The following ARHGAP35 variants were observed in gnomAD, a reference collection of about 807,000 sequenced individuals.
ARHGAP35 encodes rho GTPase-activating protein 35.
Under a neutral mutation model 111.1 loss-of-function variants are expected in ARHGAP35, and 15 were observed. The ratio of observed to expected loss-of-function variants is 0.13; its 90% CI spans 0.09 to 0.21. The LOEUF (loss-of-function observed/expected upper bound fraction) is 0.21, where lower values mean the gene tolerates loss of function less well. Ranked by LOEUF, ARHGAP35 falls within the 10% of genes least tolerant of loss-of-function variation. ARHGAP35 has a pLI of 1.00. For missense variants in ARHGAP35, 1,262 were observed against 1,873.0 expected, an observed-to-expected ratio of 0.67 and a Z score of 6.02; for synonymous variants, 643 against 710.3, an observed-to-expected ratio of 0.91 and a Z score of 1.51.
intron 3 of ARHGAP35, among the ~76,000 whole-genome samples, chr19:46,984,036 T>G (rs2056635970): frequency 6.6e-6 from 1 of 152,216 alleles, no homozygotes. Context: ...TTTTTCTTGT[T>G]CTATTTCCAA....
rs1166420401 is a variant in ARHGAP35, at chr19:46,918,262, C to T, written c.-188-226C>T. On this transcript the variant is annotated intron_variant, in intron 1 of 6. Transcript: ENST00000672722. This position sits in a 1 kb window ranked among gnomAD's most constrained non-coding sequence, Gnocchi z 5.4. ...CACCCTTGTTTTAGCACTTAGCACA[C>T]TGTTTACTTATGTTTTCCTCCACTG... is the stretch of plus-strand genomic sequence containing the variant. Among the ~76,000 whole-genome samples the T allele has an allele frequency of 6.6e-6, 1 of 152,152 alleles. No individual in the cohort carries two copies. Among genetic ancestry groups the T allele is most frequent in the Non-Finnish European group, 1.5e-5 (1 of 68,028 alleles).
chr19:46,954,275 A>G (rs1013851802), intron 3 of ARHGAP35, among the ~76,000 whole-genome samples: 5 of 152,130 alleles, frequency 3.3e-5, no homozygotes, highest in African/African-American at 1.2e-4. Context: ...AAGGTGACCA[A>G]CTCAGGCATC....
intron 1 of ARHGAP35, among the ~76,000 whole-genome samples, chr19:46,883,177 C>T (rs1000208054): frequency 6.6e-6 from 1 of 151,976 alleles, no homozygotes; most frequent in African/African-American, 2.4e-5. Flanking sequence ...TCACTGCAAC[C>T]TCCGCCTCCG....
chr19:46,886,623 A>C (rs570547684), intron 1 of ARHGAP35, among the ~76,000 whole-genome samples: 38 of 152,150 alleles, frequency 2.5e-4, no homozygotes, highest in Non-Finnish European at 5.0e-4. Context: ...ATCGGGCGTT[A>C]CTCAAGGTTG....
intron 3 of ARHGAP35, among the ~76,000 whole-genome samples, chr19:46,957,956 T>C: frequency 6.6e-6 from 1 of 152,100 alleles, no homozygotes; most frequent in Admixed American, 6.5e-5. Context: ...GGAGCTGGAG[T>C]GCAGTGGTGC....
At chr19:46,928,278 G>A (rs943556976) in intron 2 of ARHGAP35, among the ~76,000 whole-genome samples, 2 of 152,138 alleles carry the variant, frequency 1.3e-5, no homozygotes, top group African/African-American at 4.8e-5. Flanking sequence ...AAAGAACTGG[G>A]AATTGTGCTG....
At chr19:46,881,421 G>A (rs1599796922) in intron 1 of ARHGAP35, among the ~76,000 whole-genome samples, 3 of 152,346 alleles carry the variant, frequency 2.0e-5, no homozygotes, top group South Asian at 4.1e-4. Context: ...CTGCAGAATG[G>A]ATGTTGTGTT....
chr19:46,924,393 C>CTT, intron 2 of ARHGAP35, among the ~76,000 whole-genome samples: 1 of 152,182 alleles, frequency 6.6e-6, no homozygotes, highest in Non-Finnish European at 1.5e-5. Context: ...CCTGCATTAC[C>CTT]GCTGACCAGG....
At chr19:46,964,716 G>A (rs1423302785) in intron 3 of ARHGAP35, among the ~76,000 whole-genome samples, 2 of 152,220 alleles carry the variant, frequency 1.3e-5, no homozygotes, top group African/African-American at 4.8e-5. Flanking sequence ...AGAAGGGCTG[G>A]TGTGGCTCAT....
At chr19:46,985,630 A>C (rs2056644809) in intron 3 of ARHGAP35, among the ~76,000 whole-genome samples, 1 of 152,238 alleles carries the variant, frequency 6.6e-6, no homozygotes, top group African/African-American at 2.4e-5. Context: ...TTTAATAAAC[A>C]AGCAAATGGT....
At chr19:46,900,034 A>G (rs2056076675) in intron 1 of ARHGAP35, among the ~76,000 whole-genome samples, 1 of 152,098 alleles carries the variant, frequency 6.6e-6, no homozygotes, top group African/African-American at 2.4e-5. Flanking sequence ...TTTCTATATA[A>G]ATTGAATTTG....
At chr19:46,944,207 G>C (rs2056365415) in intron 3 of ARHGAP35, among the ~76,000 whole-genome samples, 1 of 151,666 alleles carries the variant, frequency 6.6e-6, no homozygotes, top group Non-Finnish European at 1.5e-5. Context: ...GCTGAGGTAG[G>C]AGGATCGCTT....
intron 1 of ARHGAP35, among the ~76,000 whole-genome samples, chr19:46,889,085 G>A (rs768361699): frequency 7.9e-5 from 12 of 152,116 alleles, no homozygotes; most frequent in Non-Finnish European, 1.5e-4. Context: ...TTGGGAGGCC[G>A]AGGCAGGTGG....
At chr19:46,962,489 C>T (rs906243826) in intron 3 of ARHGAP35, among the ~76,000 whole-genome samples, 5 of 152,226 alleles carry the variant, frequency 3.3e-5, no homozygotes, top group African/African-American at 1.2e-4. Context: ...ATAGCTTATG[C>T]TCTTGTGTTT....
At chr19:46,877,705 A>G (rs1211669768) in intron 1 of ARHGAP35, among the ~76,000 whole-genome samples, 1 of 152,074 alleles carries the variant, frequency 6.6e-6, no homozygotes, top group Non-Finnish European at 1.5e-5. Flanking sequence ...TAAATATTTT[A>G]TTAATTTTTT....
chr19:46,914,896 A>G (rs938866539), intron 1 of ARHGAP35, among the ~76,000 whole-genome samples: 38 of 152,310 alleles, frequency 2.5e-4, no homozygotes, highest in African/African-American at 8.7e-4. Flanking sequence ...TGACTTGCCA[A>G]TTGCATGCAG....
intron 1 of ARHGAP35, among the ~76,000 whole-genome samples, chr19:46,898,775 A>AGCTGCTGCTGCTGCTGCT (rs112008743): frequency 4.0e-5 from 6 of 150,800 alleles, no homozygotes; most frequent in African/African-American, 1.2e-4. Context: ...TGCACAGATG[A>AGCTGCTGCTGCTGCTGCT]GCTGCTGCTG....
rs2122338557 is a variant in ARHGAP35 at position 46,988,711 on chromosome 19, G to C, written c.3904+645G>C. The C allele has an allele frequency of 6.5e-6, 1 of 153,952 alleles. No homozygotes were observed. The allele number at this position is 153,952 out of a possible 1,614,324, so 9.5% of individuals were successfully genotyped here. ...GAGCAGGGCACATTCCCATCTATCA[G>C]CAGCCAGGGCAGGAGGCACCACCCA... On this transcript the variant is annotated intron_variant, in intron 4 of 6. Transcript: ENST00000672722. This position sits in a 1 kb window ranked among gnomAD's most constrained non-coding sequence, Gnocchi z 5.4.
At chr19:46,990,742 G>A (rs2056675360) in intron 5 of ARHGAP35, among the ~76,000 whole-genome samples, 1 of 152,186 alleles carries the variant, frequency 6.6e-6, no homozygotes, top group African/African-American at 2.4e-5. Context: ...GATCAGCATG[G>A]CCCCGAGTCC....
Sources: allele counts gnomAD v4.1 joint callset (sites outside exome capture counted in the v4.1 genomes callset), GRCh38; gene constraint gnomAD v4.1.1; non-coding constraint Gnocchi (gnomAD v3.1); transcripts MANE v1.5; gene names NCBI Gene and HGNC (gene_info 2026-07-23, HGNC 2026-07-21).